TLN2: variants seen among roughly 807,000 people sequenced by gnomAD.
TLN2 encodes talin 2.
A neutral mutation model predicts 294.7 loss-of-function variants in TLN2; 118 were observed. The ratio of observed to expected loss-of-function variants is 0.40; its 90% CI spans 0.34 to 0.47. The LOEUF is 0.47. Ranked by LOEUF, TLN2 falls within the 20% of genes least tolerant of loss-of-function variation. The probability of loss-of-function intolerance (pLI) is 0.84; values close to 1 mark genes in which losing one functional copy is unlikely to be tolerated. For synonymous variants in TLN2, 1,431 were observed against 1,304.5 expected (o/e 1.10, Z -2.09); for missense variants, 3,083 against 3,282.2 (o/e 0.94, Z 1.48).
chr15:62,626,693 G>A (rs971580369), intron 3 of TLN2, among the ~76,000 whole-genome samples: 1 of 152,200 alleles, frequency 6.6e-6, no homozygotes, highest in African/African-American at 2.4e-5. Flanking sequence ...CACAAAGGAG[G>A]AACGTGAGAC....
chr15:62,446,817 T>C (rs957423351), intron 1 of TLN2, among the ~76,000 whole-genome samples: 2 of 152,192 alleles, frequency 1.3e-5, no homozygotes, highest in Non-Finnish European at 2.9e-5. Context: ...CTAGCTCAAA[T>C]GAATATTCTA....
At chr15:62,813,015 AC>A (rs1466069460) in intron 52 of TLN2, among the ~76,000 whole-genome samples, 1 of 152,200 alleles carries the variant, frequency 6.6e-6, no homozygotes, top group Non-Finnish European at 1.5e-5. Context: ...CGGGAGACCC[AC>A]CATCACAGGT....
At chr15:62,484,629 G>T (rs1269550059) in intron 1 of TLN2, among the ~76,000 whole-genome samples, 1 of 152,116 alleles carries the variant, frequency 6.6e-6, no homozygotes, top group African/African-American at 2.4e-5. Flanking sequence ...GTTTCACCAT[G>T]TTGGCCAGGC....
At chr15:62,535,144 C>A (rs536397027) in intron 1 of TLN2, among the ~76,000 whole-genome samples, 4 of 152,262 alleles carry the variant, frequency 2.6e-5, no homozygotes, top group African/African-American at 9.6e-5. Flanking sequence ...GAGCCACATT[C>A]CTTTGTGTTA....
At chr15:62,529,622 A>T (rs1227387145) in intron 1 of TLN2, among the ~76,000 whole-genome samples, 1 of 150,588 alleles carries the variant, frequency 6.6e-6, no homozygotes, top group Non-Finnish European at 1.5e-5. Context: ...GAAAATAATT[A>T]TGACTCCTAC....
At position 62,481,798 on chromosome 15, in the gene TLN2, C is replaced by CTT. The variant is rs60002079; in HGVS notation, c.-238+91129_-238+91130dup. 2.9e-3 allele frequency among the ~76,000 whole-genome samples: 339 copies of CTT among 115,726 alleles called. 7 individuals carry two copies. The highest frequency in any genetic ancestry group is 4.8e-3 in the South Asian group (18 of 3,738). 75.9% of individuals were successfully genotyped at this position (115,726 alleles called of 152,430 possible). ...ATATTATTTTTCTTTTTCTTTCTTT[C>CTT]TTTTTTTTTTTTTTTTTAAGACGGA... On this transcript the variant is annotated intron_variant, in intron 1 of 58. Coordinates refer to ENST00000636159, the MANE Select transcript of TLN2 (RefSeq NM_015059.3).
At position 62,701,842 on chromosome 15, in the gene TLN2, G is replaced by A. The variant is rs1471221097; in HGVS notation, c.1697-150G>A. The A allele has an allele frequency of 3.3e-5, 28 of 837,980 alleles. 1 individual carries two copies. The Middle Eastern group carries it at 1.1e-3, about 32-fold the overall frequency. 51.9% of individuals were successfully genotyped at this position (837,980 alleles called of 1,614,324 possible). A position where few individuals can be genotyped will look rare whatever the true frequency, so the allele number is the denominator to read the frequency against. On this transcript the variant is annotated intron_variant, in intron 17 of 58. Coordinates refer to ENST00000636159, the MANE Select transcript of TLN2 (RefSeq NM_015059.3). ...CTTTTTGAAGTCACCTCGGAGACAG[G>A]GAGCAGGCCAGCTCACTGTGCTCAT...
At chr15:62,562,077 A>C (rs775950335) in intron 1 of TLN2, among the ~76,000 whole-genome samples, 7 of 152,154 alleles carry the variant, frequency 4.6e-5, no homozygotes, top group Admixed American at 1.3e-4. Context: ...AATTCGCGAT[A>C]CCTGGCACAT....
intron 1 of TLN2, among the ~76,000 whole-genome samples, chr15:62,412,912 G>A (rs1396841112): frequency 6.6e-6 from 1 of 152,194 alleles, no homozygotes; most frequent in African/African-American, 2.4e-5. Flanking sequence ...AGAGAACTCA[G>A]TGCCAATTTG....
chr15:62,396,237 G>A (rs1395999428), intron 1 of TLN2, among the ~76,000 whole-genome samples: 8 of 152,184 alleles, frequency 5.3e-5, no homozygotes, highest in African/African-American at 1.9e-4. Flanking sequence ...AGTGAGGAGG[G>A]AGAGGTAATT....
At chr15:62,726,244 G>C (rs2060435094) in intron 27 of TLN2, among the ~76,000 whole-genome samples, 1 of 152,160 alleles carries the variant, frequency 6.6e-6, no homozygotes, top group Admixed American at 6.5e-5. Flanking sequence ...AGTCTGTATT[G>C]TGTTGTAACA....
chr15:62,596,001 C>T (rs537603090), intron 2 of TLN2, among the ~76,000 whole-genome samples: 7 of 152,094 alleles, frequency 4.6e-5, no homozygotes, highest in African/African-American at 7.2e-5. Flanking sequence ...CTTGGCCAGG[C>T]GCGGTGGCTC....
chr15:62,606,371 G>A (rs977782201), intron 2 of TLN2, among the ~76,000 whole-genome samples: 13 of 151,874 alleles, frequency 8.6e-5, no homozygotes, highest in Non-Finnish European at 1.0e-4. Flanking sequence ...GATTACAGGC[G>A]TGAACCACCA....
At chr15:62,763,798 G>C in intron 40 of TLN2, 103 bp downstream of exon 40, 1 of 1,408,246 alleles carries the variant, frequency 7.1e-7, no homozygotes. Context: ...AAATGTTTCT[G>C]TTGCTGGAGT....
At chr15:62,782,228 T>C (rs184885945) in intron 44 of TLN2, among the ~76,000 whole-genome samples, 1 of 152,354 alleles carries the variant, frequency 6.6e-6, no homozygotes, top group Admixed American at 6.5e-5. Flanking sequence ...CCCTGGCTGC[T>C]GCCATTCATT....
At chr15:62,644,412 A>T in intron 3 of TLN2, 1 of 440,018 alleles carries the variant, frequency 2.3e-6, no homozygotes, top group East Asian at 7.0e-5. Flanking sequence ...GCTCTCCCTC[A>T]CTCCCTAGGT....
chr15:62,744,369 T>C (rs2061496133), intron 32 of TLN2, among the ~76,000 whole-genome samples: 1 of 151,710 alleles, frequency 6.6e-6, no homozygotes, highest in Non-Finnish European at 1.5e-5. Flanking sequence ...CTTGCCATCC[T>C]AGAGAGCCAT....
At chr15:62,482,421 G>A (rs1168097248) in intron 1 of TLN2, among the ~76,000 whole-genome samples, 1 of 151,350 alleles carries the variant, frequency 6.6e-6, no homozygotes, top group East Asian at 2.0e-4. Flanking sequence ...TGACCAACAT[G>A]GAGAAACCCC....
Position 62,708,595 on chromosome 15 carries a change from G to T in TLN2, c.2266G>T (p.Ala756Ser). The T allele has an allele frequency of 6.2e-7, 1 of 1,614,220 alleles. No homozygotes were observed. Among genetic ancestry groups the T allele is most frequent in the Non-Finnish European group, 8.5e-7 (1 of 1,180,042 alleles). The change falls in exon 21 of 59, where the codon GCC (alanine) becomes TCC (serine). Residue 756 changes from alanine (A) to serine (S), a missense_variant. Transcript: ENST00000636159. ...CCGCTCGGTGGAGAACTGTGTCCGT[G>T]CCTGCCAGGCGGCCACTACCGATAG... ...VDRSVENCVR[A>S]CQAATTDSEL...
Sources: gnomAD v4.1 joint callset for allele counts (sites outside exome capture counted in the v4.1 genomes callset) on GRCh38, gnomAD v4.1.1 for gene constraint, MANE v1.5 for transcripts, NCBI Gene and HGNC (gene_info 2026-07-23, HGNC 2026-07-21) for gene names.